The following EPS15L1 variants were observed in gnomAD, a reference collection of about 807,000 sequenced individuals.
The protein encoded by EPS15L1 is epidermal growth factor receptor pathway substrate 15 like 1.
A neutral mutation model predicts 117.1 loss-of-function variants in EPS15L1; 43 were observed. That is an observed-to-expected ratio of 0.37 (90% CI 0.29 to 0.47). The LOEUF (loss-of-function observed/expected upper bound fraction) is 0.47. EPS15L1 is among the 20% of genes least tolerant of loss of function. EPS15L1 has a pLI of 0.99. For synonymous variants in EPS15L1, 459 were observed against 470.5 expected, an observed-to-expected ratio of 0.98 and a Z score of 0.32; for missense variants, 981 against 1,164.0, an observed-to-expected ratio of 0.84 and a Z score of 2.29.
chr19:16,471,917 T>C lies in EPS15L1; in HGVS notation c.29A>G (p.Gln10Arg). The change falls in exon 1 of 24, where the codon CAG (glutamine) becomes CGG (arginine). Residue 10 changes from glutamine (Q) to arginine (R), a missense_variant. Physicochemically the swap from Gln to Arg is conservative, Grantham distance 43. Around this residue, in one of 5 missense-constraint regions of EPS15L1, gnomAD observed 37 missense variants for 21.2 expected, o/e 1.75. Transcript: ENST00000455140. This position sits in a 1 kb window ranked among gnomAD's most constrained non-coding sequence, Gnocchi z 4.8. The stretch of plus-strand genomic sequence containing the variant: ...CCAGGCCCGCCCGGCCCGTACCTGC[T>C]GGGAGAGGGGGATGAGCGGCGCCGC... The part of the protein sequence containing the change: MAAPLIPLS[Q>R]QIPTGNSLYE... 4 of 1,299,180 alleles carry C rather than the reference T, an allele frequency of 3.1e-6. No individual in the cohort carries two copies. Among genetic ancestry groups the C allele is most frequent in the Non-Finnish European group, 3.9e-6 (4 of 1,025,276 alleles). 80.5% of individuals were successfully genotyped at this position (1,299,180 alleles called of 1,614,324 possible).
chr19:16,449,135 G>A (rs551670281), intron 1 of EPS15L1, among the ~76,000 whole-genome samples: 10 of 150,886 alleles, frequency 6.6e-5, no homozygotes, highest in African/African-American at 9.7e-5. Flanking sequence ...CTAGCCAGGC[G>A]TCGTGGTGCA....
intron 7 of EPS15L1, among the ~76,000 whole-genome samples, chr19:16,433,454 C>T (rs1326816650): frequency 3.9e-5 from 6 of 152,012 alleles, no homozygotes; most frequent in Non-Finnish European, 8.8e-5. Flanking sequence ...AAAGAGAATG[C>T]ATAAAATTTT....
chr19:16,464,703 A>G (rs759802806), intron 1 of EPS15L1, among the ~76,000 whole-genome samples: 19 of 151,970 alleles, frequency 1.3e-4, no homozygotes, highest in Non-Finnish European at 2.4e-4. Context: ...GGGCCACACT[A>G]GAATTGTCTT....
chr19:16,420,413 T>A (rs183351307), intron 10 of EPS15L1, among the ~76,000 whole-genome samples: 1 of 152,214 alleles, frequency 6.6e-6, no homozygotes, highest in Non-Finnish European at 1.5e-5. Context: ...CTGTGTTTTG[T>A]TGGTTTCTAA....
chr19:16,392,145 A>T (rs541476937), intron 19 of EPS15L1, among the ~76,000 whole-genome samples, 159 bp downstream of exon 19: 2 of 152,076 alleles, frequency 1.3e-5, no homozygotes, highest in Non-Finnish European at 2.9e-5. Flanking sequence ...GCAGGAATGA[A>T]ATCAGCCTGG....
intron 21 of EPS15L1, among the ~76,000 whole-genome samples, chr19:16,384,824 C>A (rs972263340): frequency 6.6e-6 from 1 of 152,220 alleles, no homozygotes; most frequent in Non-Finnish European, 1.5e-5. Flanking sequence ...CTGTGCCCAA[C>A]GCCTTCTCAA....
rs33914440 is a variant in EPS15L1 at position 16,436,967 on chromosome 19, C to A, written c.342G>T (p.Pro114=). ...CAGCCCAGTGGGCCTCTGCAGAGGG[C>A]GGTGTGACCATCAGAGGGCTGCTGG... ...HDTSSPLMVT[P]PSAEAHWAVR... is the part of the protein sequence containing the mutation. Residue 114 remains proline (P), a synonymous_variant, in exon 6 of 24, where the codon CCG becomes CCT. Coordinates refer to ENST00000455140, the MANE Select transcript of EPS15L1 (RefSeq NM_001258374.3). The A allele has an allele frequency of 5.0e-6, 8 of 1,613,792 alleles. No individual in the cohort carries two copies. Among genetic ancestry groups the A allele is most frequent in the Middle Eastern group, 1.6e-4 (1 of 6,078 alleles).
chr19:16,466,219 C>T (rs1465533992), intron 1 of EPS15L1, among the ~76,000 whole-genome samples: 1 of 152,076 alleles, frequency 6.6e-6, no homozygotes, highest in Non-Finnish European at 1.5e-5. Flanking sequence ...AACTCTCGAC[C>T]TCCAGTGATC....
chr19:16,416,559 C>T (rs2092759843), intron 12 of EPS15L1, among the ~76,000 whole-genome samples: 1 of 151,842 alleles, frequency 6.6e-6, no homozygotes, highest in African/African-American at 2.4e-5. Context: ...ATCACTTGAG[C>T]CCAGGAGGCA....
intron 16 of EPS15L1, among the ~76,000 whole-genome samples, chr19:16,399,130 T>A (rs144385597): frequency 2.7e-3 from 417 of 152,264 alleles, no homozygotes; most frequent in Non-Finnish European, 4.4e-3. Context: ...GCAATCACTT[T>A]CTCAGGAGTC....
At chr19:16,395,590 G>T in intron 16 of EPS15L1, 123 bp from the exon 17 acceptor site, 1 of 1,087,578 alleles carries the variant, frequency 9.2e-7, no homozygotes, top group Non-Finnish European at 1.3e-6. Context: ...GAATGATTTA[G>T]CCAGGAGTTC....
At chr19:16,463,788 G>A (rs10221523) in intron 1 of EPS15L1, among the ~76,000 whole-genome samples, 2,119 of 152,344 alleles carry the variant, frequency 0.014, 58 homozygotes, top group African/African-American at 0.047. Context: ...TGGTAACAGA[G>A]ATGCTGGGCC....
chr19:16,436,020 G>T (rs529376301), intron 6 of EPS15L1, among the ~76,000 whole-genome samples: 2 of 152,180 alleles, frequency 1.3e-5, no homozygotes, highest in African/African-American at 4.8e-5. Flanking sequence ...GGGTGACAGG[G>T]AGAAACCCTT....
In EPS15L1 at chr19:16,374,524, G is replaced by A. The variant is rs530503780; in HGVS notation, c.2380+2598C>T. On this transcript the variant is annotated intron_variant, in intron 22 of 23. Transcript: ENST00000455140. ...TTAACAAGCATTCTTTTCTGCTTTC[G>A]AAGCCCACAGTACACTAACAGCAGA... is the stretch of plus-strand genomic sequence containing the variant. 2.6e-5 allele frequency among the ~76,000 whole-genome samples: 4 copies of A among 152,176 alleles called. No homozygotes were observed. In the South Asian group the frequency reaches 6.2e-4, roughly 24 times the overall value.
At chr19:16,429,976 C>T (rs773327861) in intron 7 of EPS15L1, among the ~76,000 whole-genome samples, 1 of 152,204 alleles carries the variant, frequency 6.6e-6, no homozygotes. Context: ...CAGCAGCACT[C>T]GACCCAGGTG....
intron 15 of EPS15L1, among the ~76,000 whole-genome samples, chr19:16,402,800 G>A (rs1464446912): frequency 1.3e-5 from 2 of 152,070 alleles, no homozygotes; most frequent in Non-Finnish European, 2.9e-5. Flanking sequence ...GTCCAGTCTG[G>A]TCTTGAACTC....
chr19:16,421,994 T>C (rs2092818495), intron 9 of EPS15L1, among the ~76,000 whole-genome samples: 1 of 152,082 alleles, frequency 6.6e-6, no homozygotes, highest in South Asian at 2.1e-4. Context: ...ACAACAAAGA[T>C]ACCCCCAAGG....
chr19:16,427,386 G>A (rs747292482), intron 8 of EPS15L1, among the ~76,000 whole-genome samples: 9 of 152,182 alleles, frequency 5.9e-5, no homozygotes, highest in Non-Finnish European at 1.3e-4. Flanking sequence ...ATTTCTGAAT[G>A]TGTGTATTAC....
intron 19 of EPS15L1, among the ~76,000 whole-genome samples, chr19:16,390,223 T>G (rs905877389): frequency 3.9e-5 from 6 of 151,938 alleles, no homozygotes; most frequent in African/African-American, 1.5e-4. Context: ...GAGAATGAAG[T>G]GATTAAACAG....
Sources: allele counts gnomAD v4.1 joint callset (sites outside exome capture counted in the v4.1 genomes callset), GRCh38; gene constraint gnomAD v4.1.1; regional missense constraint gnomAD v4.1.1; non-coding constraint Gnocchi (gnomAD v3.1); transcripts MANE v1.5; gene names NCBI Gene and HGNC (gene_info 2026-07-23, HGNC 2026-07-21).